The following ARHGAP15 variants were observed in gnomAD, a reference collection of about 807,000 sequenced individuals.
The protein encoded by ARHGAP15 is rho GTPase-activating protein 15.
A neutral mutation model predicts 63.7 loss-of-function variants in ARHGAP15; 51 were observed. The ratio of observed to expected loss-of-function variants is 0.80; its 90% CI spans 0.64 to 1.01. ARHGAP15 has a LOEUF of 1.01. Ranked by LOEUF, ARHGAP15 falls within the 50% of genes least tolerant of loss-of-function variation. The pLI is 0.00. For missense variants in ARHGAP15, 560 were observed against 564.6 expected, an observed-to-expected ratio of 0.99 and a Z score of 0.08; for synonymous variants, 191 against 193.8, an observed-to-expected ratio of 0.99 and a Z score of 0.12.
intron 6 of ARHGAP15, among the ~76,000 whole-genome samples, chr2:143,315,992 A>C (rs990797444): frequency 6.6e-6 from 1 of 152,130 alleles, no homozygotes; most frequent in Non-Finnish European, 1.5e-5. Flanking sequence ...GGGCTGAGGC[A>C]GGAGAATTGC....
chr2:143,413,518 T>C (rs1163907818), intron 6 of ARHGAP15, among the ~76,000 whole-genome samples: 1 of 152,206 alleles, frequency 6.6e-6, no homozygotes, highest in Non-Finnish European at 1.5e-5. Context: ...AGACAGTCAA[T>C]CAATAACAGC....
intron 6 of ARHGAP15, among the ~76,000 whole-genome samples, chr2:143,316,190 T>G (rs931661212): frequency 6.6e-6 from 1 of 152,134 alleles, no homozygotes; most frequent in Non-Finnish European, 1.5e-5. Flanking sequence ...CAGACTTTCC[T>G]CCTAGTTTAG....
intron 6 of ARHGAP15, among the ~76,000 whole-genome samples, chr2:143,393,987 C>T (rs1436101221): frequency 1.3e-5 from 2 of 152,110 alleles, no homozygotes; most frequent in African/African-American, 2.4e-5. Context: ...CCATGTCCAT[C>T]CTGCTTCTGT....
At chr2:143,490,639 G>C (rs1692545431) in intron 9 of ARHGAP15, among the ~76,000 whole-genome samples, 1 of 151,712 alleles carries the variant, frequency 6.6e-6, no homozygotes, top group South Asian at 2.1e-4. Flanking sequence ...TTATTTTTTT[G>C]AGACAGAGGC....
intron 13 of ARHGAP15, among the ~76,000 whole-genome samples, chr2:143,758,828 G>C (rs1686666987): frequency 6.6e-6 from 1 of 152,150 alleles, no homozygotes; most frequent in African/African-American, 2.4e-5. Flanking sequence ...TTGGGAACTT[G>C]ACAGGAATGC....
intron 6 of ARHGAP15, among the ~76,000 whole-genome samples, chr2:143,342,341 C>T (rs900101461): frequency 3.9e-5 from 6 of 152,002 alleles, no homozygotes; most frequent in Non-Finnish European, 8.8e-5. Context: ...AAAAAATACT[C>T]ATCTAGCAGT....
intron 12 of ARHGAP15, among the ~76,000 whole-genome samples, chr2:143,690,754 G>A (rs892007216): frequency 1.3e-5 from 2 of 152,086 alleles, no homozygotes; most frequent in Admixed American, 6.6e-5. Flanking sequence ...GGAGGTGTGC[G>A]AATGGTCTCA....
chr2:143,170,508 A>G (rs1690730671), intron 2 of ARHGAP15, among the ~76,000 whole-genome samples: 1 of 152,090 alleles, frequency 6.6e-6, no homozygotes, highest in African/African-American at 2.4e-5. Context: ...AGCTTTCGAC[A>G]TGCTGGGGCA....
chr2:143,150,342 A>T (rs73962350), intron 1 of ARHGAP15, among the ~76,000 whole-genome samples: 217 of 152,142 alleles, frequency 1.4e-3, no homozygotes, highest in African/African-American at 4.9e-3. Context: ...TATGAAATTT[A>T]TGATTAGATG....
chr2:143,221,729 G>A (rs1454954087), intron 4 of ARHGAP15, among the ~76,000 whole-genome samples: 5 of 152,120 alleles, frequency 3.3e-5, no homozygotes, highest in East Asian at 3.9e-4. Flanking sequence ...GTGGCTCTGC[G>A]TATCTTACCA....
chr2:143,478,449 C>T lies in ARHGAP15; in HGVS notation c.704-8924C>T, dbSNP rs570165398. Among the ~76,000 whole-genome samples, 6 of 152,316 alleles carry T rather than the reference C, an allele frequency of 3.9e-5. No individual in the cohort carries two copies. In the South Asian group the frequency reaches 1.2e-3, roughly 32 times the overall value. ...GCAAGGGGGTGGGGGACATTACCATCTCTCTATGTCCTTAGACACGGTGAC... is the reference window on the plus strand; with the variant it reads ...GCAAGGGGGTGGGGGACATTACCATTTCTCTATGTCCTTAGACACGGTGAC... On this transcript the variant is annotated intron_variant, in intron 8 of 13. Coordinates refer to ENST00000295095, the MANE Select transcript of ARHGAP15 (RefSeq NM_018460.4).
chr2:143,356,072 GAGAA>G (rs756296188), intron 6 of ARHGAP15, among the ~76,000 whole-genome samples: 10 of 151,494 alleles, frequency 6.6e-5, no homozygotes, highest in South Asian at 2.1e-4. Context: ...GAGAGAGAGA[GAGAA>G]AGAAAGAAAG....
At chr2:143,735,749 C>T (rs996588736) in intron 13 of ARHGAP15, among the ~76,000 whole-genome samples, 1 of 151,896 alleles carries the variant, frequency 6.6e-6, no homozygotes, top group Non-Finnish European at 1.5e-5. Context: ...AGAAGAATGA[C>T]TAGAAGTCAA....
chr2:143,421,800 A>G (rs59408171), intron 6 of ARHGAP15, among the ~76,000 whole-genome samples: 1,015 of 14,264 alleles, frequency 0.071, 11 homozygotes, highest in African/African-American at 0.17. Context: ...ATATATATAT[A>G]TGTGTGTGTT....
chr2:143,312,118 T>C (rs1683475393), intron 6 of ARHGAP15, among the ~76,000 whole-genome samples: 1 of 152,160 alleles, frequency 6.6e-6, no homozygotes, highest in South Asian at 2.1e-4. Context: ...TTCAGAATTA[T>C]ACAGAGATTG....
At chr2:143,485,786 A>G (rs1251471379) in intron 8 of ARHGAP15, among the ~76,000 whole-genome samples, 1 of 152,246 alleles carries the variant, frequency 6.6e-6, no homozygotes, top group East Asian at 1.9e-4. Context: ...ATATGTCAAT[A>G]GTACAAAATT....
At chr2:143,613,003 C>T (rs757649402) in intron 11 of ARHGAP15, among the ~76,000 whole-genome samples, 20 of 152,206 alleles carry the variant, frequency 1.3e-4, no homozygotes, top group Non-Finnish European at 2.6e-4. Context: ...GTTTGTAGGC[C>T]TATCTCCTTT....
intron 10 of ARHGAP15, among the ~76,000 whole-genome samples, chr2:143,529,437 C>T (rs1694428158): frequency 6.6e-6 from 1 of 152,058 alleles, no homozygotes; most frequent in African/African-American, 2.4e-5. Context: ...CCACTCTTTT[C>T]AATGCTGCCA....
chr2:143,356,466 A>G (rs1685815457), intron 6 of ARHGAP15, among the ~76,000 whole-genome samples: 1 of 152,076 alleles, frequency 6.6e-6, no homozygotes, highest in Non-Finnish European at 1.5e-5. Context: ...AACTTGCACA[A>G]TTTGTATTAA....
Sources: allele counts gnomAD v4.1 joint callset (sites outside exome capture counted in the v4.1 genomes callset), GRCh38; gene constraint gnomAD v4.1.1; transcripts MANE v1.5; gene names NCBI Gene and HGNC (gene_info 2026-07-23, HGNC 2026-07-21).